Variants in NEMP2 observed in about 807,000 individuals in gnomAD.
NEMP2 encodes UPF0571 transmembrane protein.
In NEMP2, 53 loss-of-function variants were observed where a neutral mutation model predicts 54.2. That is an observed-to-expected ratio of 0.98 (90% CI 0.78 to 1.23). The LOEUF is 1.23. NEMP2 is among the 50% of genes most tolerant of loss of function. NEMP2 has a pLI of 0.00. For synonymous variants in NEMP2, 197 were observed against 190.3 expected (o/e 1.04, Z -0.29); for missense variants, 455 against 511.3 (o/e 0.89, Z 1.06).
chr2:190,482,890 T>TG, the NEMP2 span, among the ~76,000 whole-genome samples: 1 of 46,542 alleles, frequency 2.1e-5, no homozygotes, highest in African/African-American at 5.6e-5. Context: ...TTTTTTTTTT[T>TG]TTTTTTTTTT....
rs1413829131 is a variant in NEMP2, at chr2:190,527,932, G to A, written c.98-2554C>T. On this transcript the variant is annotated intron_variant, in intron 1 of 8. Coordinates refer to ENST00000409150, the MANE Select transcript of NEMP2 (RefSeq NM_001142645.2). The surrounding 1 kb of genome is among the most constrained non-coding windows in gnomAD (Gnocchi z 4.0). ...ACCACCCCAACCCCACTCCTATCCTGTGGAAAAACTGTCTTCCATGAAACT... is the reference window on the plus strand; with the variant it reads ...ACCACCCCAACCCCACTCCTATCCTATGGAAAAACTGTCTTCCATGAAACT... Among the ~76,000 whole-genome samples the A allele has an allele frequency of 6.6e-6, 1 of 152,130 alleles. No homozygotes were observed. The highest frequency in any genetic ancestry group is 2.4e-5 in the African/African-American group (1 of 41,410).
chr2:190,577,543 G>A, the NEMP2 span, among the ~76,000 whole-genome samples: 1,278 of 152,222 alleles, frequency 8.4e-3, 17 homozygotes, highest in African/African-American at 0.029. This position sits in a 1 kb window ranked among gnomAD's most constrained non-coding sequence, Gnocchi z 4.8. Flanking sequence ...AGAAAGCTGG[G>A]CAACTGTGGC....
chr2:190,541,241 G>A, the NEMP2 span, among the ~76,000 whole-genome samples: 1 of 151,614 alleles, frequency 6.6e-6, no homozygotes, highest in African/African-American at 2.4e-5. This position sits in a 1 kb window ranked among gnomAD's most constrained non-coding sequence, Gnocchi z 5.2. Context: ...TACTACTTCT[G>A]TTCTTCTACT....
At chr2:190,524,826 C>T (rs1470431414) in intron 2 of NEMP2, among the ~76,000 whole-genome samples, 4 of 152,148 alleles carry the variant, frequency 2.6e-5, no homozygotes, top group Non-Finnish European at 4.4e-5. Flanking sequence ...AAGGTAGGTA[C>T]TCAATAAGTA....
the NEMP2 span, among the ~76,000 whole-genome samples, chr2:190,572,873 A>ATATG: frequency 0.022 from 2,461 of 109,576 alleles, 77 homozygotes; most frequent in East Asian, 0.046. Flanking sequence ...ATATATATAT[A>ATATG]TATGTATATA....
the NEMP2 span, among the ~76,000 whole-genome samples, chr2:190,460,943 T>G: frequency 6.6e-6 from 1 of 152,206 alleles, no homozygotes; most frequent in Non-Finnish European, 1.5e-5. Flanking sequence ...TGATGATCCA[T>G]GCAGCTCTTG....
At chr2:190,427,693 G>A in the NEMP2 span, among the ~76,000 whole-genome samples, 1 of 150,816 alleles carries the variant, frequency 6.6e-6, no homozygotes, top group Non-Finnish European at 1.5e-5. Flanking sequence ...AGAAAATTGT[G>A]TCTACTCCAT....
At chr2:190,579,658 A>G in the NEMP2 span, among the ~76,000 whole-genome samples, 2 of 152,388 alleles carry the variant, frequency 1.3e-5, no homozygotes, top group Non-Finnish European at 2.9e-5. Context: ...GATGTATGGC[A>G]TATAAATGCA....
At chr2:190,534,018 C>T in intron 1 of NEMP2, 1 of 983,504 alleles carries the variant, frequency 1.0e-6, no homozygotes. Flanking sequence ...TTACCTGCCG[C>T]TCACGTGGGA....
rs772290352 is a variant in NEMP2, at chr2:190,518,343, G to A, written c.518+393C>T. On this transcript the variant is annotated intron_variant, in intron 4 of 8. Coordinates refer to ENST00000409150, the MANE Select transcript of NEMP2 (RefSeq NM_001142645.2). ...TGTATCACGGTCATAAATCTAGTAG[G>A]TGGCTCTAATGTAATAGAGCAAGGT... Among the ~76,000 whole-genome samples, 3 of 152,106 alleles carry A rather than the reference G, an allele frequency of 2.0e-5. No individual in the cohort carries two copies. In the South Asian group the frequency reaches 6.2e-4, roughly 32 times the overall value.
the NEMP2 span, among the ~76,000 whole-genome samples, chr2:190,604,486 C>T: frequency 6.6e-6 from 1 of 152,158 alleles, no homozygotes; most frequent in African/African-American, 2.4e-5. The surrounding 1 kb of genome is among the most constrained non-coding windows in gnomAD (Gnocchi z 4.5). Context: ...CAACAGAAAC[C>T]ACAATGTGCC....
chr2:190,564,109 A>G, the NEMP2 span, among the ~76,000 whole-genome samples: 1 of 152,262 alleles, frequency 6.6e-6, no homozygotes, highest in South Asian at 2.1e-4. This position sits in a 1 kb window ranked among gnomAD's most constrained non-coding sequence, Gnocchi z 4.2. Flanking sequence ...CCTTTCAAGG[A>G]GCTCAGATCA....
At chr2:190,534,730 G>A (rs957559168), upstream of NEMP2, 12 of 1,125,954 alleles carry the variant, frequency 1.1e-5, no homozygotes, top group Admixed American at 8.5e-5. Flanking sequence ...AGTGGCGCGG[G>A]GGCTCAGAGA....
At chr2:190,429,264 A>G in the NEMP2 span, among the ~76,000 whole-genome samples, 1 of 151,572 alleles carries the variant, frequency 6.6e-6, no homozygotes, top group East Asian at 1.9e-4. Flanking sequence ...ATATATCACC[A>G]AAATATCTTC....
chr2:190,477,038 A>G, the NEMP2 span, among the ~76,000 whole-genome samples: 1 of 121,640 alleles, frequency 8.2e-6, no homozygotes, highest in African/African-American at 3.2e-5. Context: ...GGAACATCAC[A>G]CACTGGGGAC....
the NEMP2 span, among the ~76,000 whole-genome samples, chr2:190,478,465 C>T: frequency 1.3e-5 from 2 of 152,170 alleles, no homozygotes; most frequent in Non-Finnish European, 2.9e-5. Flanking sequence ...TAAAATCCTG[C>T]ATCACAGAAA....
chr2:190,517,435 A>G (rs566430427), intron 5 of NEMP2, 85 bp downstream of exon 5: 1 of 948,092 alleles, frequency 1.1e-6, no homozygotes, highest in African/African-American at 1.7e-5. Flanking sequence ...AGAACCTATC[A>G]TAATGTGAAT....
At chr2:190,534,486 GCGC>G in intron 1 of NEMP2, 70 bp downstream of exon 1, 1 of 1,298,206 alleles carries the variant, frequency 7.7e-7, no homozygotes, top group Non-Finnish European at 9.7e-7. Context: ...GCCAAAGAGC[GCGC>G]CCTCAGGGCA....
the NEMP2 span, among the ~76,000 whole-genome samples, chr2:190,430,787 C>A: frequency 9.2e-6 from 1 of 108,914 alleles, no homozygotes; most frequent in African/African-American, 3.3e-5. Flanking sequence ...GGCGGCCGGG[C>A]GGGCAGAGGC....
Sources: allele counts gnomAD v4.1 joint callset (sites outside exome capture counted in the v4.1 genomes callset), GRCh38; gene constraint gnomAD v4.1.1; non-coding constraint Gnocchi (gnomAD v3.1); transcripts MANE v1.5; gene names NCBI Gene and HGNC (gene_info 2026-07-23, HGNC 2026-07-21).